The following GALM variants were observed in gnomAD, a reference collection of about 807,000 sequenced individuals.
GALM encodes the protein aldose 1-epimerase.
GALM carries 43 observed loss-of-function variants against 37.4 expected under a neutral mutation model. That is an observed-to-expected ratio of 1.15 (90% CI 0.90 to 1.48). The LOEUF (loss-of-function observed/expected upper bound fraction) is 1.48, where lower values mean the gene tolerates loss of function less well. Ranked by LOEUF, GALM falls within the 40% of genes most tolerant of loss-of-function variation. GALM has a pLI of 0.00. For missense variants in GALM, 456 were observed against 419.1 expected (o/e 1.09, Z -0.77); for synonymous variants, 199 against 170.6 (o/e 1.17, Z -1.30).
intron 4 of GALM, among the ~76,000 whole-genome samples, chr2:38,728,104 AC>A (rs1313033338): frequency 1.4e-5 from 2 of 145,266 alleles, no homozygotes; most frequent in African/African-American, 4.9e-5. Context: ...CTATAAGAAA[AC>A]TTTTTAGGCC....
rs1666674959 is a variant in GALM, at chr2:38,734,749, C to CA, written c.*1188dup. ...ATGCTGTACTGAATTGAAATAAAAC[C>CA]AAAATCTGCATCTTCAGAAGACTTG... On this transcript the variant is annotated 3_prime_UTR_variant, in exon 7 of 7. Coordinates refer to ENST00000272252, the MANE Select transcript of GALM (RefSeq NM_138801.3). The CA allele has an allele frequency of 6.6e-6, 1 of 151,236 alleles. No homozygotes were observed. Among genetic ancestry groups the CA allele is most frequent in the Non-Finnish European group, 1.5e-5 (1 of 67,918 alleles). 9.4% of individuals were successfully genotyped at this position (151,236 alleles called of 1,614,324 possible).
In GALM at chr2:38,698,388, G is replaced by A. The variant is rs950810262; in HGVS notation, c.634+8494G>A. 4.6e-6 allele frequency: 6 copies of A among 1,304,416 alleles called. No homozygotes were observed. The African/African-American group carries it at 9.1e-5, about 20-fold the overall frequency. 80.8% of individuals were successfully genotyped at this position (1,304,416 alleles called of 1,614,324 possible). A position where few individuals can be genotyped will look rare whatever the true frequency, so the allele number is the denominator to read the frequency against. Reference sequence around the variant, plus strand: ...CAGGTGGCACCAACAGAAGGTTTCTGCAAGGCTGAGAGCTCCTTTTACCCA... The same window carrying A: ...CAGGTGGCACCAACAGAAGGTTTCTACAAGGCTGAGAGCTCCTTTTACCCA... On this transcript the variant is annotated intron_variant, in intron 4 of 6. Coordinates refer to ENST00000272252, the MANE Select transcript of GALM (RefSeq NM_138801.3).
intron 4 of GALM, among the ~76,000 whole-genome samples, chr2:38,728,301 G>A (rs894778202): frequency 6.6e-6 from 1 of 152,100 alleles, no homozygotes; most frequent in Non-Finnish European, 1.5e-5. Context: ...GGCTGAGGTG[G>A]GAGAATCACT....
intron 4 of GALM, among the ~76,000 whole-genome samples, chr2:38,694,286 C>G (rs973817418): frequency 5.3e-5 from 8 of 152,072 alleles, no homozygotes; most frequent in Admixed American, 5.2e-4. Flanking sequence ...TACCCAAGTG[C>G]AACATATAGT....
chr2:38,689,443 G>A (rs960779855), intron 3 of GALM, among the ~76,000 whole-genome samples: 2 of 152,194 alleles, frequency 1.3e-5, no homozygotes, highest in African/African-American at 4.8e-5. Flanking sequence ...CTCAGGATGT[G>A]TGTGTTCCTG....
At chr2:38,717,699 C>A (rs1666297772) in intron 4 of GALM, among the ~76,000 whole-genome samples, 1 of 151,956 alleles carries the variant, frequency 6.6e-6, no homozygotes, top group Admixed American at 6.6e-5. Flanking sequence ...CCATCCCTGG[C>A]CTTAGCTCCA....
At chr2:38,668,349 G>C (rs73933113) in intron 1 of GALM, 1 of 152,442 alleles carries the variant, frequency 6.6e-6, no homozygotes, top group African/African-American at 2.4e-5. Flanking sequence ...ACTGTGCCCA[G>C]CTGTTTTGCT....
chr2:38,684,395 G>C (rs1558581289), intron 3 of GALM, among the ~76,000 whole-genome samples: 1 of 152,098 alleles, frequency 6.6e-6, no homozygotes, highest in African/African-American at 2.4e-5. Flanking sequence ...CTAAAGACCT[G>C]GGTGTGGTGG....
intron 4 of GALM, among the ~76,000 whole-genome samples, chr2:38,694,896 C>CAAAAAAAA: frequency 1.3e-5 from 1 of 75,822 alleles, no homozygotes; most frequent in Non-Finnish European, 2.3e-5. Context: ...GACTCCGTCT[C>CAAAAAAAA]AAAAAAAAAA....
chr2:38,704,675 T>TAAA (rs533221498), intron 4 of GALM, among the ~76,000 whole-genome samples: 2 of 140,382 alleles, frequency 1.4e-5, no homozygotes, highest in Non-Finnish European at 3.1e-5. Flanking sequence ...CTGTCTCCAT[T>TAAA]AAAAAAAAAA....
chr2:38,694,912 A>G (rs137869964), intron 4 of GALM, among the ~76,000 whole-genome samples: 1 of 145,786 alleles, frequency 6.9e-6, no homozygotes, highest in African/African-American at 2.7e-5. Context: ...AAAAAAAAAA[A>G]CAAAAAAAGA....
chr2:38,724,006 A>T (rs542753016), intron 4 of GALM, among the ~76,000 whole-genome samples: 119 of 151,850 alleles, frequency 7.8e-4, no homozygotes, highest in Non-Finnish European at 1.5e-3. Context: ...TGCAAGCTCC[A>T]CCTCCTGGTT....
chr2:38,698,282 G>A (rs1296493407), intron 4 of GALM: 12 of 545,254 alleles, frequency 2.2e-5, no homozygotes, highest in Non-Finnish European at 3.8e-5. Context: ...CTCTGTAGAT[G>A]AAATTCCGGC....
At chr2:38,674,229 C>T (rs1336224587) in intron 1 of GALM, among the ~76,000 whole-genome samples, 8 of 145,642 alleles carry the variant, frequency 5.5e-5, no homozygotes, top group East Asian at 2.0e-4. Context: ...CTCGCTCTGT[C>T]GCCAGGCTGG....
chr2:38,714,647 G>T (rs1666235420), intron 4 of GALM, among the ~76,000 whole-genome samples: 1 of 152,178 alleles, frequency 6.6e-6, no homozygotes, highest in Admixed American at 6.6e-5. Flanking sequence ...ACCACTTTCT[G>T]TGTTAAACAA....
chr2:38,721,808 G>A (rs979542131), intron 4 of GALM, among the ~76,000 whole-genome samples: 1 of 152,014 alleles, frequency 6.6e-6, no homozygotes, highest in African/African-American at 2.4e-5. Flanking sequence ...GAGCCACCGC[G>A]CCTGGTCCAC....
intron 4 of GALM, chr2:38,698,525 AAGG>A: frequency 4.7e-6 from 3 of 645,126 alleles, no homozygotes; most frequent in Non-Finnish European, 6.8e-6. Context: ...AAAAAAAAAA[AAGG>A]AAAAAAATGA....
chr2:38,680,771 A>G (rs1473362568), intron 2 of GALM, among the ~76,000 whole-genome samples: 1 of 152,196 alleles, frequency 6.6e-6, no homozygotes, highest in Non-Finnish European at 1.5e-5. Flanking sequence ...TTGTAGACAC[A>G]CATCGTACAA....
chr2:38,688,628 T>C (rs560030522), intron 3 of GALM, among the ~76,000 whole-genome samples: 1 of 152,304 alleles, frequency 6.6e-6, no homozygotes, highest in Non-Finnish European at 1.5e-5. Context: ...CCTCACTTGG[T>C]TTCCCTTCCA....
Sources: gnomAD v4.1 joint callset for allele counts (sites outside exome capture counted in the v4.1 genomes callset) on GRCh38, gnomAD v4.1.1 for gene constraint, MANE v1.5 for transcripts, NCBI Gene and HGNC (gene_info 2026-07-23, HGNC 2026-07-21) for gene names.